The following ATM variants were observed in gnomAD, a reference collection of about 807,000 sequenced individuals.
ATM encodes serine-protein kinase ATM.
A neutral mutation model predicts 387.0 loss-of-function variants in ATM; 308 were observed. The observed-to-expected ratio is 0.80, with a 90% CI of 0.73 to 0.87. The LOEUF is 0.87. ATM is among the 40% of genes least tolerant of loss of function. ATM has a pLI of 0.00. For synonymous variants in ATM, 1,156 were observed against 1,187.3 expected, an observed-to-expected ratio of 0.97 and a Z score of 0.54; for missense variants, 3,312 against 3,560.9, an observed-to-expected ratio of 0.93 and a Z score of 1.78.
intron 5 of ATM, among the ~76,000 whole-genome samples, chr11:108,241,771 A>C (rs2079575846): frequency 1.2e-5 from 1 of 85,680 alleles, no homozygotes; most frequent in Non-Finnish European, 2.1e-5. Context: ...TTTTTTTGAG[A>C]TAGGGCCTCA....
chr11:108,327,395 G>A (rs2085781117), intron 47 of ATM: 1 of 435,678 alleles, frequency 2.3e-6, no homozygotes, highest in African/African-American at 2.0e-5. Context: ...CAAAGTGTCT[G>A]ACATATATAA....
In ATM at chr11:108,295,063, C is replaced by A. The variant is rs587782125; in HGVS notation, c.4909+4C>A. On this transcript the variant is annotated splice_donor_region_variant and intron_variant, in intron 32 of 62. Transcript: ENST00000675843. The stretch of plus-strand genomic sequence containing the variant: ...GACATTATGAGAGCTTCTCAGGGTG[C>A]TAATTTTAAATGACATGGGCTATTT... 6.2e-7 allele frequency: 1 copy of A among 1,613,628 alleles called. No homozygotes were observed. The highest frequency in any genetic ancestry group is 1.3e-5 in the African/African-American group (1 of 75,002).
intron 61 of ATM, among the ~76,000 whole-genome samples, chr11:108,358,866 A>G (rs1038357555): frequency 1.2e-4 from 18 of 151,998 alleles, no homozygotes; most frequent in African/African-American, 1.7e-4. Context: ...GACCATCGAG[A>G]CTAGGAAGAA....
intron 5 of ATM, among the ~76,000 whole-genome samples, chr11:108,237,899 G>GTTTTTTTTTT (rs369161623): frequency 1.1e-4 from 10 of 92,042 alleles, no homozygotes; most frequent in African/African-American, 2.8e-4. Flanking sequence ...ATTTACTTAG[G>GTTTTTTTTTT]TTTTTTTTTT....
intron 45 of ATM, among the ~76,000 whole-genome samples, chr11:108,324,870 A>G (rs987076556): frequency 6.6e-6 from 1 of 152,164 alleles, no homozygotes; most frequent in Non-Finnish European, 1.5e-5. Context: ...TTTTTTTGAC[A>G]GCTATAATTA....
At chr11:108,283,803 AC>A (rs1337900960) in intron 25 of ATM, among the ~76,000 whole-genome samples, 2 of 152,196 alleles carry the variant, frequency 1.3e-5, no homozygotes, top group African/African-American at 2.4e-5. Flanking sequence ...TCCTGTGAAT[AC>A]TGTTTTTCTA....
At chr11:108,299,602 G>A (rs535007513) in intron 33 of ATM, 112 bp from the exon 34 acceptor site, 2 of 1,150,968 alleles carry the variant, frequency 1.7e-6, no homozygotes, top group Non-Finnish European at 2.6e-6. Context: ...CGGCCTTAAG[G>A]TTAATTCTTG....
intron 37 of ATM, 118 bp downstream of exon 37, chr11:108,304,970 T>C: frequency 1.6e-6 from 2 of 1,247,730 alleles, no homozygotes; most frequent in South Asian, 1.3e-5. Flanking sequence ...TCTAAATTTG[T>C]TTCTTCATCT....
Position 108,318,170 on chromosome 11 carries a change from T to C in ATM, c.6347+649T>C, listed in dbSNP as rs1028600275. Among the ~76,000 whole-genome samples, 13 of 152,078 alleles carry C rather than the reference T, an allele frequency of 8.5e-5. No homozygotes were observed. In the East Asian group the frequency reaches 2.5e-3, roughly 30 times the overall value. On this transcript the variant is annotated intron_variant, in intron 43 of 62. Transcript: ENST00000675843. ...TGAGCTCAGGAGTTTGAGACCAGCC[T>C]GGGAAACACGGTGAAACCCTTTCTC...
chr11:108,268,676 G>T, intron 18 of ATM, 67 bp downstream of exon 18: 1 of 1,486,598 alleles, frequency 6.7e-7, no homozygotes, highest in East Asian at 2.3e-5. Context: ...GTAATGAGTT[G>T]ACATGTAAGA....
chr11:108,230,946 C>T (rs1051715658), intron 4 of ATM: 3 of 152,306 alleles, frequency 2.0e-5, no homozygotes, highest in African/African-American at 7.2e-5. Flanking sequence ...AAGTGATTTT[C>T]CCGCCTTGGC....
intron 61 of ATM, among the ~76,000 whole-genome samples, chr11:108,361,667 T>C (rs1366721042): frequency 2.0e-5 from 3 of 151,778 alleles, no homozygotes; most frequent in Admixed American, 6.6e-5. Context: ...ATCTGATCTT[T>C]GACAAACCTG....
rs879254136 is a variant in ATM at position 108,331,481 on chromosome 11, C to T, written c.7553C>T (p.Pro2518Leu). The change falls in exon 51 of 63, where the codon CCT becomes CTT. Residue 2518 changes from proline (P) to leucine (L), a missense_variant. By Grantham distance (98) the Pro-to-Leu change is moderately conservative (BLOSUM62 -3). Transcript: ENST00000675843. Reference protein sequence around the residue: ...GMKIPTYKFLPLMYQLAARMG... With the variant: ...GMKIPTYKFLLLMYQLAARMG... ...AAGATTCCAACATATAAATTTTTGCCTCTTATGTACCAATTGGCTGCTAGA... is the reference window on the plus strand; with the variant it reads ...AAGATTCCAACATATAAATTTTTGCTTCTTATGTACCAATTGGCTGCTAGA... 2 of 1,612,716 alleles carry T rather than the reference C, an allele frequency of 1.2e-6. No individual in the cohort carries two copies. Among genetic ancestry groups the T allele is most frequent in the South Asian group, 1.1e-5 (1 of 90,994 alleles).
rs2229019 is a variant in ATM, at chr11:108,256,283, C to T, written c.2193C>T (p.Tyr731=). Residue 731 remains tyrosine (Y), a synonymous_variant, in exon 14 of 63, where the codon TAC becomes TAT. Transcript: ENST00000675843. ...TGGGTGTCCTTGGCTGCTACTGTTA[C>T]ATGGGTGTAATAGCTGAAGAGGAAG... is the stretch of plus-strand genomic sequence containing the variant. ...LLVGVLGCYC[Y]MGVIAEEEAY... is the part of the protein sequence containing the mutation. 2.7e-3 allele frequency: 4,370 copies of T among 1,611,262 alleles called. 107 individuals carry two copies. In the African/African-American group the frequency reaches 0.049, roughly 18 times the overall value.
intron 11 of ATM, among the ~76,000 whole-genome samples, chr11:108,252,348 C>T (rs1406082951): frequency 6.6e-6 from 1 of 151,948 alleles, no homozygotes; most frequent in East Asian, 1.9e-4. Flanking sequence ...CATGTAGATC[C>T]TGGATCCTTT....
intron 38 of ATM, among the ~76,000 whole-genome samples, chr11:108,309,291 A>G (rs1284290560): frequency 6.6e-6 from 1 of 152,178 alleles, no homozygotes; most frequent in Non-Finnish European, 1.5e-5. Context: ...CTTCCTTTCC[A>G]TGGGGAAATT....
rs762001297 is a variant in ATM, at chr11:108,315,836, A to G, written c.6020A>G (p.Glu2007Gly). ...CCATGTTTTCAGGATCTTCTCTTAG[A>G]AATCTACAGAAGTATAGGGGAGCCA... The part of the protein sequence containing the change: ...TGISLQDLLL[E>G]IYRSIGEPDS... The change falls in exon 41 of 63, where the codon GAA (glutamate) becomes GGA (glycine). Residue 2007 changes from glutamate to glycine, a missense_variant. By Grantham distance (98) the Glu-to-Gly change is moderately conservative. Around this residue, in one of 4 missense-constraint regions of ATM, gnomAD observed 1,405 missense variants for 1,604.4 expected, o/e 0.88. Transcript: ENST00000675843. 5.0e-6 allele frequency: 8 copies of G among 1,612,162 alleles called. No homozygotes were observed. Among genetic ancestry groups the G allele is most frequent in the Non-Finnish European group, 5.9e-6 (7 of 1,178,302 alleles).
intron 16 of ATM, among the ~76,000 whole-genome samples, chr11:108,263,908 A>AAATT: frequency 1.3e-5 from 2 of 150,252 alleles, no homozygotes; most frequent in African/African-American, 4.9e-5. Flanking sequence ...CTGGACACAT[A>AAATT]CACTCTCCCA....
In ATM at chr11:108,244,340, A is replaced by T. The variant is rs757824825; in HGVS notation, c.662+222A>T. Among the ~76,000 whole-genome samples the T allele has an allele frequency of 3.3e-5, 5 of 152,132 alleles. No individual in the cohort carries two copies. The South Asian group carries it at 1.0e-3, about 31-fold the overall frequency. On this transcript the variant is annotated intron_variant, in intron 6 of 62. Coordinates refer to ENST00000675843, the MANE Select transcript of ATM (RefSeq NM_000051.4). ...TTCAAGGGGGAGATGTGTCTTGCTG[A>T]TGTTCTGTTGACCAGGAAAGTTAAA...
Sources: allele counts gnomAD v4.1 joint callset (sites outside exome capture counted in the v4.1 genomes callset), GRCh38; gene constraint gnomAD v4.1.1; regional missense constraint gnomAD v4.1.1; transcripts MANE v1.5; gene names NCBI Gene and HGNC (gene_info 2026-07-23, HGNC 2026-07-21).